Variants in ARHGAP22 observed in about 807,000 individuals in gnomAD.
ARHGAP22 encodes Rho GTPase activating protein 22.
In ARHGAP22, 48 loss-of-function variants were observed where a neutral mutation model predicts 59.1. The ratio of observed to expected loss-of-function variants is 0.81; its 90% CI spans 0.64 to 1.03. The LOEUF is 1.03. Ranked by LOEUF, ARHGAP22 falls within the 50% of genes least tolerant of loss-of-function variation. The probability of loss-of-function intolerance (pLI) is 0.00; values close to 1 mark genes in which losing one functional copy is unlikely to be tolerated. For missense variants in ARHGAP22, 1,015 were observed against 958.7 expected (o/e 1.06, Z -0.78); for synonymous variants, 445 against 416.4 (o/e 1.07, Z -0.84).
chr10:48,567,430 C>T (rs1307326850), intron 2 of ARHGAP22, among the ~76,000 whole-genome samples: 4 of 152,204 alleles, frequency 2.6e-5, no homozygotes, highest in African/African-American at 4.8e-5. Context: ...CTGAGCAGTG[C>T]CACAGGGAAG....
chr10:48,568,849 C>A (rs1420653400), intron 2 of ARHGAP22, among the ~76,000 whole-genome samples: 1 of 152,208 alleles, frequency 6.6e-6, no homozygotes, highest in Non-Finnish European at 1.5e-5. Context: ...GCCTGCTCTT[C>A]CATGCCATGG....
At chr10:48,533,740 C>T (rs1239779649) in intron 3 of ARHGAP22, among the ~76,000 whole-genome samples, 1 of 152,224 alleles carries the variant, frequency 6.6e-6, no homozygotes, top group East Asian at 1.9e-4. Context: ...TCCAATAAAA[C>T]TTTATGTACA....
At chr10:48,623,810 CA>C (rs1337419753) in intron 1 of ARHGAP22, among the ~76,000 whole-genome samples, 2 of 152,338 alleles carry the variant, frequency 1.3e-5, no homozygotes, top group East Asian at 1.9e-4. Flanking sequence ...GCAATTGGCA[CA>C]GGGGGTCACT....
At chr10:48,563,271 A>G (rs1327073499) in intron 2 of ARHGAP22, among the ~76,000 whole-genome samples, 3 of 137,094 alleles carry the variant, frequency 2.2e-5, no homozygotes, top group East Asian at 2.4e-4. Context: ...TTGGCTCACT[A>G]CAAGCTCCGC....
At chr10:48,560,257 A>G (rs2057598207) in intron 2 of ARHGAP22, among the ~76,000 whole-genome samples, 1 of 152,174 alleles carries the variant, frequency 6.6e-6, no homozygotes, top group Admixed American at 6.5e-5. Context: ...TGGGATTGTG[A>G]TCGGGATTGC....
At chr10:48,453,201 C>T in intron 8 of ARHGAP22, 103 bp downstream of exon 8, 1 of 1,537,168 alleles carries the variant, frequency 6.5e-7, no homozygotes, top group Non-Finnish European at 8.9e-7. Context: ...ACCCCTCCTG[C>T]TGGCCTGGCC....
At chr10:48,529,991 C>T (rs547825565) in intron 3 of ARHGAP22, among the ~76,000 whole-genome samples, 1 of 152,298 alleles carries the variant, frequency 6.6e-6, no homozygotes, top group African/African-American at 2.4e-5. Flanking sequence ...AATCCCAGCA[C>T]TTTGGGAGGC....
downstream of ARHGAP22, chr10:48,445,381 C>T (rs1249786097): frequency 2.0e-5 from 3 of 152,332 alleles, no homozygotes; most frequent in African/African-American, 7.2e-5. Flanking sequence ...AGTGGTCTGA[C>T]ACTGCTGGTC....
At chr10:48,472,750 C>G (rs2048347706) in intron 4 of ARHGAP22, among the ~76,000 whole-genome samples, 1 of 151,994 alleles carries the variant, frequency 6.6e-6, no homozygotes, top group African/African-American at 2.4e-5. Context: ...CCTTGGCTCA[C>G]TCTCTCACCT....
the ARHGAP22 span, among the ~76,000 whole-genome samples, chr10:48,440,348 A>T: frequency 6.6e-6 from 1 of 152,224 alleles, no homozygotes; most frequent in South Asian, 2.1e-4. Context: ...TCATCCATTA[A>T]TGGAAGCATA....
intron 3 of ARHGAP22, among the ~76,000 whole-genome samples, chr10:48,519,690 G>C (rs898343949): frequency 2.6e-5 from 4 of 152,254 alleles, no homozygotes; most frequent in Non-Finnish European, 4.4e-5. Flanking sequence ...GGGGCTCAGA[G>C]ATGGATTCGG....
chr10:48,481,735 G>T (rs1000073719), intron 3 of ARHGAP22, among the ~76,000 whole-genome samples: 1 of 152,080 alleles, frequency 6.6e-6, no homozygotes, highest in Non-Finnish European at 1.5e-5. Context: ...TTACTTTCCC[G>T]CCAGCTGTGT....
chr10:48,482,866 A>G (rs2049465519), intron 3 of ARHGAP22, among the ~76,000 whole-genome samples: 1 of 152,056 alleles, frequency 6.6e-6, no homozygotes, highest in Admixed American at 6.6e-5. Flanking sequence ...CTACCCTGCT[A>G]TGGAACATTA....
At chr10:48,611,204 A>T (rs960777030) in intron 1 of ARHGAP22, among the ~76,000 whole-genome samples, 6 of 152,152 alleles carry the variant, frequency 3.9e-5, no homozygotes, top group Non-Finnish European at 5.9e-5. Context: ...TCTGCCTGTG[A>T]GTGCTGGGTT....
At position 48,533,178 on chromosome 10, in the gene ARHGAP22, G is replaced by GT. The variant is rs762223101; in HGVS notation, c.322+22284dup. Among the ~76,000 whole-genome samples the GT allele has an allele frequency of 6.5e-3, 883 of 135,836 alleles. 14 individuals are homozygous for GT. Among genetic ancestry groups the GT allele is most frequent in the Admixed American group, 9.1e-3 (122 of 13,408 alleles). 89.1% of individuals were successfully genotyped at this position (135,836 alleles called of 152,430 possible). ...ATTCATTTTGCAGACTCATTGTTCT[G>GT]TTGTTTTTTTTTTTTTTTTTAACTA... On this transcript the variant is annotated intron_variant, in intron 3 of 9. Coordinates refer to ENST00000249601, the MANE Select transcript of ARHGAP22 (RefSeq NM_021226.4).
chr10:48,563,590 TCC>T (rs2057852895), intron 2 of ARHGAP22, among the ~76,000 whole-genome samples: 1 of 152,210 alleles, frequency 6.6e-6, no homozygotes, highest in African/African-American at 2.4e-5. Context: ...ATTCACATGT[TCC>T]AGGGATTAGG....
the ARHGAP22 span, among the ~76,000 whole-genome samples, chr10:48,433,306 T>C: frequency 6.6e-6 from 1 of 152,176 alleles, no homozygotes; most frequent in African/African-American, 2.4e-5. Flanking sequence ...GACCCTGAAC[T>C]AGAGGCATAT....
chr10:48,466,187 T>C (rs1322036941), intron 4 of ARHGAP22, among the ~76,000 whole-genome samples: 2 of 152,046 alleles, frequency 1.3e-5, no homozygotes, highest in African/African-American at 4.8e-5. Context: ...CCAGGTAGGC[T>C]TGGGGTCAGA....
chr10:48,473,541 A>AGGACTATTTAGTACTCAGAGAG, intron 4 of ARHGAP22, among the ~76,000 whole-genome samples: 1 of 128,754 alleles, frequency 7.8e-6, no homozygotes, highest in Admixed American at 7.2e-5. Flanking sequence ...TACTCAGAGA[A>AGGACTATTTAGTACTCAGAGAG]CGCTGAGGAC....
Sources: allele counts gnomAD v4.1 joint callset (sites outside exome capture counted in the v4.1 genomes callset), GRCh38; gene constraint gnomAD v4.1.1; transcripts MANE v1.5; gene names NCBI Gene and HGNC (gene_info 2026-07-23, HGNC 2026-07-21).